MARK2: variants seen among roughly 807,000 people sequenced by gnomAD.
MARK2 encodes serine/threonine-protein kinase MARK2.
A neutral mutation model predicts 89.8 loss-of-function variants in MARK2; 16 were observed. The observed-to-expected ratio is 0.18, with a 90% CI of 0.12 to 0.27. MARK2 has a LOEUF of 0.27. Ranked by LOEUF, MARK2 falls within the 10% of genes least tolerant of loss-of-function variation. MARK2 has a pLI of 1.00. For missense variants in MARK2, 621 were observed against 1,049.9 expected (o/e 0.59, Z 5.65); for synonymous variants, 382 against 399.5 (o/e 0.96, Z 0.52).
chr11:63,905,146 C>A, intron 16 of MARK2, 103 bp downstream of exon 16: 2 of 1,316,194 alleles, frequency 1.5e-6, no homozygotes, highest in South Asian at 1.3e-5. Flanking sequence ...CACTCTGTAC[C>A]GGTATTGGGT....
chr11:63,843,551 G>T (rs1005598022), intron 1 of MARK2, among the ~76,000 whole-genome samples: 3 of 152,020 alleles, frequency 2.0e-5, no homozygotes, highest in African/African-American at 7.3e-5. Context: ...GATCCTATAA[G>T]GAACAGCTGA....
intron 1 of MARK2, among the ~76,000 whole-genome samples, chr11:63,892,351 G>A (rs1939930456): frequency 6.6e-6 from 1 of 152,226 alleles, no homozygotes; most frequent in Admixed American, 6.5e-5. Flanking sequence ...GGAAATGTCA[G>A]AATCAGGATA....
In MARK2 at chr11:63,901,740, G is replaced by A. The variant is rs149513696; in HGVS notation, c.1102-458G>A. ...TGTGTGTGTATGTGTCCGTCTTCCC[G>A]TCTGTGGATCTGGAGACTTTGTGAT... On this transcript the variant is annotated intron_variant, in intron 11 of 18. Coordinates refer to ENST00000402010, the MANE Select transcript of MARK2 (RefSeq NM_001039469.3). 1.9e-4 allele frequency among the ~76,000 whole-genome samples: 29 copies of A among 151,472 alleles called. No individual in the cohort carries two copies. In the East Asian group the frequency reaches 2.5e-3, roughly 13 times the overall value.
intron 1 of MARK2, among the ~76,000 whole-genome samples, chr11:63,877,136 G>A (rs1590607333): frequency 8.2e-6 from 1 of 121,510 alleles, no homozygotes; most frequent in East Asian, 2.6e-4. Flanking sequence ...TTGAGACGGA[G>A]TCTTGCTCTG....
chr11:63,866,029 C>A (rs966540326), intron 1 of MARK2, among the ~76,000 whole-genome samples: 1 of 152,074 alleles, frequency 6.6e-6, no homozygotes, highest in East Asian at 1.9e-4. Flanking sequence ...TCCTCTATTT[C>A]GTTTGGTTTT....
chr11:63,844,379 A>C (rs2016175013), intron 1 of MARK2, among the ~76,000 whole-genome samples: 1 of 152,138 alleles, frequency 6.6e-6, no homozygotes, highest in Admixed American at 6.5e-5. Context: ...AGCTACACAG[A>C]AGGCTGAGGC....
chr11:63,878,675 T>G (rs1282245709), intron 1 of MARK2, among the ~76,000 whole-genome samples: 1 of 152,020 alleles, frequency 6.6e-6, no homozygotes, highest in East Asian at 1.9e-4. Flanking sequence ...GGCTCAAGTC[T>G]TCTTGATTCA....
At position 63,904,800 on chromosome 11, in the gene MARK2, G is replaced by A. The variant is rs751564327; in HGVS notation, c.1691G>A (p.Arg564His). Residue 564 changes from arginine (R) to histidine (H), a missense_variant, in exon 16 of 19, where the codon CGT (arginine) becomes CAT (histidine). Physicochemically the swap from Arg to His is conservative, Grantham distance 29. This residue lies in a region of MARK2 where 397 missense variants were observed against 567.8 expected (regional missense o/e 0.70). Coordinates refer to ENST00000402010, the MANE Select transcript of MARK2 (RefSeq NM_001039469.3). This position sits in a 1 kb window ranked among gnomAD's most constrained non-coding sequence, Gnocchi z 6.3. ...TCTTCCCACAGCACAGCCCCCCAGC[G>A]TGTCCCTGTTGCCTCCCCATCCGCC... The part of the protein sequence containing the change: ...EVPRPSTAPQ[R>H]VPVASPSAHN... The A allele has an allele frequency of 2.5e-6, 4 of 1,613,950 alleles. No individual in the cohort carries two copies. The highest frequency in any genetic ancestry group is 1.3e-5 in the African/African-American group (1 of 74,994).
Position 63,845,583 on chromosome 11 carries a change from A to C in MARK2, c.54+6023A>C, listed in dbSNP as rs188125328. Among the ~76,000 whole-genome samples the C allele has an allele frequency of 1.1e-3, 171 of 152,248 alleles. 1 individual carries two copies. The highest frequency in any genetic ancestry group is 1.6e-3 in the Non-Finnish European group (109 of 68,014). On this transcript the variant is annotated intron_variant, in intron 1 of 18. Coordinates refer to ENST00000402010, the MANE Select transcript of MARK2 (RefSeq NM_001039469.3). ...GCAAAGGGAAGAGTAAGCCTTTACA[A>C]ACCTGTGGGGGAGGAAGTCACCCTC... is the stretch of plus-strand genomic sequence containing the variant.
intron 3 of MARK2, 53 bp downstream of exon 3, chr11:63,895,686 T>TTTAA: frequency 9.4e-7 from 1 of 1,059,838 alleles, no homozygotes. Flanking sequence ...TTTTTTTTTT[T>TTTAA]GAGTCAGAGC....
intron 1 of MARK2, among the ~76,000 whole-genome samples, chr11:63,889,552 G>A (rs1226045684): frequency 6.6e-6 from 1 of 152,244 alleles, no homozygotes; most frequent in Non-Finnish European, 1.5e-5. Context: ...TGTCTTCCGG[G>A]CAAGCCTGAC....
In MARK2 at chr11:63,906,078, GT is replaced by G; in HGVS notation, c.1935-3del. 6 of 1,335,630 alleles carry G rather than the reference GT, an allele frequency of 4.5e-6. No individual in the cohort carries two copies. Among genetic ancestry groups the G allele is most frequent in the South Asian group, 2.3e-5 (1 of 42,820 alleles). 82.7% of individuals were successfully genotyped at this position (1,335,630 alleles called of 1,614,324 possible). On this transcript the variant is annotated splice_polypyrimidine_tract_variant and intron_variant, in intron 16 of 18. Transcript: ENST00000402010. ...TTTTTATTTTGTCTTTTTTTTGTTT[GT>G]TTTTTTAGAAATCTGTCTTTCAGGT... is the stretch of plus-strand genomic sequence containing the variant.
chr11:63,899,521 C>T (rs1189347052), intron 7 of MARK2, among the ~76,000 whole-genome samples: 1 of 152,220 alleles, frequency 6.6e-6, no homozygotes, highest in Non-Finnish European at 1.5e-5. Context: ...CATACCATCT[C>T]CATCACCAAG....
At chr11:63,846,285 G>T (rs796689424) in intron 1 of MARK2, among the ~76,000 whole-genome samples, 1 of 151,882 alleles carries the variant, frequency 6.6e-6, no homozygotes, top group Non-Finnish European at 1.5e-5. Context: ...GGGAGGCCAC[G>T]GCAGGAGGAT....
chr11:63,878,494 C>T lies in MARK2; in HGVS notation c.55-16665C>T, dbSNP rs1590611292. 4.0e-5 allele frequency among the ~76,000 whole-genome samples: 6 copies of T among 151,544 alleles called. No individual in the cohort carries two copies. The East Asian group carries it at 7.8e-4, about 20-fold the overall frequency. Reference sequence around the variant, plus strand: ...ACGCCATTCTCCTGCCTCAGCCTCCCGAGTAGCTGAGACTACAGGTGCCCA... The same window carrying T: ...ACGCCATTCTCCTGCCTCAGCCTCCTGAGTAGCTGAGACTACAGGTGCCCA... On this transcript the variant is annotated intron_variant, in intron 1 of 18. Transcript: ENST00000402010.
At chr11:63,856,766 ATGTTTTTTTTTTTTTTTTT>A (rs2016875304) in intron 1 of MARK2, among the ~76,000 whole-genome samples, 2 of 41,354 alleles carry the variant, frequency 4.8e-5, no homozygotes, top group Admixed American at 2.6e-4. Context: ...TAAATTTTTC[ATGTTTTTTTTTTTTTTTTT>A]TTTTTTTTTT....
intron 17 of MARK2, among the ~76,000 whole-genome samples, chr11:63,907,320 G>T (rs566530551): frequency 4.3e-4 from 65 of 152,318 alleles, no homozygotes; most frequent in African/African-American, 1.5e-3. Flanking sequence ...CCCACAGGGG[G>T]TCTGGAGAGA....
chr11:63,902,858 C>A lies in MARK2; in HGVS notation c.1416+76C>A. 1 of 1,298,678 alleles carries A rather than the reference C, an allele frequency of 7.7e-7. No individual in the cohort carries two copies. The highest frequency in any genetic ancestry group is 1.1e-6 in the Non-Finnish European group (1 of 913,080). 80.4% of individuals were successfully genotyped at this position (1,298,678 alleles called of 1,614,324 possible). On this transcript the variant is annotated intron_variant, in intron 13 of 18. Transcript: ENST00000402010. The surrounding 1 kb of genome is among the most constrained non-coding windows in gnomAD (Gnocchi z 4.2). Reference sequence around the variant, plus strand: ...TCTCCAGGCAGCTCTTCTCTTAATTCAGACTCTGTTCCCTTTGGCTACTAC... The same window carrying A: ...TCTCCAGGCAGCTCTTCTCTTAATTAAGACTCTGTTCCCTTTGGCTACTAC...
chr11:63,868,806 A>T (rs925234206), intron 1 of MARK2: 33 of 455,910 alleles, frequency 7.2e-5, no homozygotes, highest in Non-Finnish European at 1.1e-4. Flanking sequence ...CGTTGGAGAG[A>T]TCATGTGGTC....
Sources: allele counts gnomAD v4.1 joint callset (sites outside exome capture counted in the v4.1 genomes callset), GRCh38; gene constraint gnomAD v4.1.1; regional missense constraint gnomAD v4.1.1; non-coding constraint Gnocchi (gnomAD v3.1); transcripts MANE v1.5; gene names NCBI Gene and HGNC (gene_info 2026-07-23, HGNC 2026-07-21).